LRRTM4: variants seen among roughly 807,000 people sequenced by gnomAD.
LRRTM4 encodes leucine rich repeat transmembrane neuronal 4.
In LRRTM4, 25 loss-of-function variants were observed where a neutral mutation model predicts 47.6. That is an observed-to-expected ratio of 0.53 (90% CI 0.38 to 0.73). The LOEUF is 0.73. Among genes scored for constraint, LRRTM4 ranks in the 30% least tolerant of loss-of-function variants. The pLI is 0.00. For missense variants in LRRTM4, 638 were observed against 713.4 expected (o/e 0.89, Z 1.20); for synonymous variants, 311 against 269.5 (o/e 1.15, Z -1.51).
chr2:77,118,222 TG>T (rs1450545882), intron 3 of LRRTM4, among the ~76,000 whole-genome samples: 2 of 151,800 alleles, frequency 1.3e-5, no homozygotes, highest in East Asian at 3.9e-4. Context: ...CATGCCACGT[TG>T]TTTGGGAAAA....
intron 3 of LRRTM4, among the ~76,000 whole-genome samples, chr2:76,859,460 G>C (rs561426259): frequency 1.1e-4 from 16 of 151,924 alleles, no homozygotes; most frequent in Non-Finnish European, 1.8e-4. Flanking sequence ...CTTTTGAATG[G>C]AAAAATGATA....
At chr2:77,005,814 T>C (rs958041892) in intron 3 of LRRTM4, among the ~76,000 whole-genome samples, 1 of 152,170 alleles carries the variant, frequency 6.6e-6, no homozygotes, top group Non-Finnish European at 1.5e-5. Context: ...CACTCTCAGG[T>C]ATGTGTTTAT....
chr2:76,912,605 T>C (rs541047425), intron 3 of LRRTM4, among the ~76,000 whole-genome samples: 2 of 152,304 alleles, frequency 1.3e-5, no homozygotes, highest in South Asian at 4.1e-4. Flanking sequence ...ATTGATATCG[T>C]AGGGCCTGAT....
chr2:77,327,898 A>G (rs1670836097), intron 3 of LRRTM4, among the ~76,000 whole-genome samples: 1 of 152,200 alleles, frequency 6.6e-6, no homozygotes, highest in Non-Finnish European at 1.5e-5. Flanking sequence ...AGGGAAAAGC[A>G]GAGGAAATTT....
intron 3 of LRRTM4, among the ~76,000 whole-genome samples, chr2:77,050,287 T>C (rs983904078): frequency 3.9e-5 from 6 of 152,118 alleles, no homozygotes; most frequent in South Asian, 2.1e-4. Flanking sequence ...CTGGAGGTAA[T>C]AGGCTGCTAC....
intron 3 of LRRTM4, among the ~76,000 whole-genome samples, chr2:76,857,364 G>C (rs1374895172): frequency 6.7e-6 from 1 of 148,492 alleles, no homozygotes; most frequent in African/African-American, 2.5e-5. Flanking sequence ...TACATGGCTT[G>C]TTTTGATATT....
At chr2:77,189,427 T>A (rs1349202464) in intron 3 of LRRTM4, among the ~76,000 whole-genome samples, 2 of 152,168 alleles carry the variant, frequency 1.3e-5, no homozygotes, top group African/African-American at 4.8e-5. Context: ...TATACTGAGA[T>A]CCTAACCCCA....
intron 3 of LRRTM4, among the ~76,000 whole-genome samples, chr2:76,800,601 A>T (rs1370200104): frequency 3.1e-4 from 44 of 141,072 alleles, no homozygotes; most frequent in Non-Finnish European, 6.1e-4. Context: ...AAATTGACAA[A>T]TGGGATCTAA....
chr2:77,147,727 CA>C (rs1672297640), intron 3 of LRRTM4, among the ~76,000 whole-genome samples: 1 of 151,956 alleles, frequency 6.6e-6, no homozygotes, highest in African/African-American at 2.4e-5. Context: ...TGAGAACATT[CA>C]AAAATGTAAA....
At chr2:77,287,707 G>C (rs1030732892) in intron 3 of LRRTM4, among the ~76,000 whole-genome samples, 1 of 152,084 alleles carries the variant, frequency 6.6e-6, no homozygotes, top group African/African-American at 2.4e-5. Context: ...AGTTGAGAGA[G>C]AGAAACCACA....
intron 3 of LRRTM4, among the ~76,000 whole-genome samples, chr2:77,329,002 T>C (rs1670876163): frequency 6.6e-6 from 1 of 152,152 alleles, no homozygotes; most frequent in African/African-American, 2.4e-5. Flanking sequence ...CTGTAAAATA[T>C]AAGGAATAGC....
chr2:77,058,266 T>A (rs1679672340), intron 3 of LRRTM4, among the ~76,000 whole-genome samples: 1 of 152,114 alleles, frequency 6.6e-6, no homozygotes, highest in South Asian at 2.1e-4. Context: ...TTTGGTCATA[T>A]AAAAAGTGCT....
chr2:77,462,850 C>A (rs978648000), intron 3 of LRRTM4, among the ~76,000 whole-genome samples: 2 of 151,596 alleles, frequency 1.3e-5, no homozygotes, highest in Non-Finnish European at 2.9e-5. Context: ...CTAGGGCAAC[C>A]CTCCTTCTTT....
At chr2:76,792,179 T>G (rs1406361767) in intron 3 of LRRTM4, among the ~76,000 whole-genome samples, 1 of 152,102 alleles carries the variant, frequency 6.6e-6, no homozygotes, top group Non-Finnish European at 1.5e-5. Flanking sequence ...ATACATGGCT[T>G]TTGGTACAAT....
At chr2:76,899,373 T>C (rs1673542711) in intron 3 of LRRTM4, among the ~76,000 whole-genome samples, 1 of 150,776 alleles carries the variant, frequency 6.6e-6, no homozygotes, top group Non-Finnish European at 1.5e-5. Flanking sequence ...ATAAACTATA[T>C]TTTATAATAG....
intron 3 of LRRTM4, among the ~76,000 whole-genome samples, chr2:76,929,725 T>C (rs376487925): frequency 2.6e-5 from 4 of 152,092 alleles, no homozygotes; most frequent in East Asian, 3.9e-4. Flanking sequence ...ATAAAATGAG[T>C]GTTTACCTGG....
intron 3 of LRRTM4, among the ~76,000 whole-genome samples, chr2:77,449,773 C>T (rs1226161299): frequency 6.6e-6 from 1 of 152,156 alleles, no homozygotes; most frequent in Non-Finnish European, 1.5e-5. Context: ...AGTGTGACCA[C>T]AGTGTTGCTT....
At chr2:77,207,866 C>CTTTTTTTTTTTTTTTTTT (rs754540782) in intron 3 of LRRTM4, among the ~76,000 whole-genome samples, 1 of 42,614 alleles carries the variant, frequency 2.3e-5, no homozygotes, top group African/African-American at 1.0e-4. Context: ...GGGAAAGTGG[C>CTTTTTTTTTTTTTTTTTT]TTTTTTTTTT....
chr2:77,136,152 G>A (rs1671934367), intron 3 of LRRTM4, among the ~76,000 whole-genome samples: 2 of 152,130 alleles, frequency 1.3e-5, no homozygotes, highest in African/African-American at 4.8e-5. Flanking sequence ...CATGGAGTTT[G>A]AGATCTGAGA....
Sources: gnomAD v4.1 joint callset for allele counts (sites outside exome capture counted in the v4.1 genomes callset) on GRCh38, gnomAD v4.1.1 for gene constraint, MANE v1.5 for transcripts, NCBI Gene and HGNC (gene_info 2026-07-23, HGNC 2026-07-21) for gene names.